The following MCF2L2 variants were observed in gnomAD, a reference collection of about 807,000 sequenced individuals.
MCF2L2 encodes probable guanine nucleotide exchange factor MCF2L2.
In MCF2L2, 102 loss-of-function variants were observed where a neutral mutation model predicts 150.2. The ratio of observed to expected loss-of-function variants is 0.68; its 90% CI spans 0.58 to 0.80. The LOEUF (loss-of-function observed/expected upper bound fraction) is 0.80, where lower values mean the gene tolerates loss of function less well. Ranked by LOEUF, MCF2L2 falls within the 30% of genes least tolerant of loss-of-function variation. MCF2L2 has a pLI of 0.00. For synonymous variants in MCF2L2, 465 were observed against 491.3 expected (o/e 0.95, Z 0.71); for missense variants, 1,256 against 1,372.8 (o/e 0.91, Z 1.34).
intron 26 of MCF2L2, among the ~76,000 whole-genome samples, chr3:183,194,527 A>T (rs1212708803): frequency 6.6e-6 from 1 of 152,272 alleles, no homozygotes; most frequent in African/African-American, 2.4e-5. Flanking sequence ...GCGTTTGCCC[A>T]CTCAGTAAAG....
At chr3:183,268,647 T>C (rs1364076377) in intron 15 of MCF2L2, among the ~76,000 whole-genome samples, 2 of 152,206 alleles carry the variant, frequency 1.3e-5, no homozygotes, top group Admixed American at 1.3e-4. Context: ...CCTAGTGTGC[T>C]AGGTAATCAT....
chr3:183,180,254 C>T (rs996281822), intron 27 of MCF2L2, 95 bp from the exon 28 acceptor site: 27 of 780,008 alleles, frequency 3.5e-5, no homozygotes, highest in Non-Finnish European at 4.8e-5. Context: ...CTGTTGCAGG[C>T]ACGGTCCTCC....
chr3:183,278,915 G>A (rs1028457925), intron 14 of MCF2L2, among the ~76,000 whole-genome samples: 1 of 152,222 alleles, frequency 6.6e-6, no homozygotes, highest in Non-Finnish European at 1.5e-5. Flanking sequence ...TTGGCACGTT[G>A]CTCTGCTGAC....
At chr3:183,386,550 T>C (rs902741828) in intron 2 of MCF2L2, among the ~76,000 whole-genome samples, 24 of 152,228 alleles carry the variant, frequency 1.6e-4, no homozygotes, top group African/African-American at 5.5e-4. Context: ...AAAGGCTCTA[T>C]CCTCTCCTTC....
intron 22 of MCF2L2, among the ~76,000 whole-genome samples, chr3:183,213,657 T>A (rs75677427): frequency 0.017 from 2,613 of 152,170 alleles, 72 homozygotes; most frequent in African/African-American, 0.06. Context: ...TTAGAGGCAG[T>A]TGTCAGTCAA....
At chr3:183,285,711 T>C (rs1043638999) in intron 14 of MCF2L2, among the ~76,000 whole-genome samples, 9 of 152,234 alleles carry the variant, frequency 5.9e-5, no homozygotes, top group Non-Finnish European at 1.2e-4. Flanking sequence ...AAAAGGCTTT[T>C]GTTACTTTAT....
rs1560035050 is a variant in MCF2L2, at chr3:183,351,232, A to ATT, written c.276-9603_276-9602insAA. Among the ~76,000 whole-genome samples, 197 of 82,714 alleles carry ATT rather than the reference A, an allele frequency of 2.4e-3. 1 individual carries two copies. Among genetic ancestry groups the ATT allele is most frequent in the Non-Finnish European group, 2.5e-3 (118 of 47,006 alleles). 54.3% of individuals were successfully genotyped at this position (82,714 alleles called of 152,430 possible). A position where few individuals can be genotyped will look rare whatever the true frequency, so the allele number is the denominator to read the frequency against. On this transcript the variant is annotated intron_variant, in intron 3 of 29. Coordinates refer to ENST00000328913, the MANE Select transcript of MCF2L2 (RefSeq NM_015078.4). ...TATATATATATATATATATATATAT[A>ATT]TATATTTATTTATTTATTTATCAGA...
chr3:183,201,801 C>G (rs1301464619), intron 25 of MCF2L2, among the ~76,000 whole-genome samples: 1 of 152,150 alleles, frequency 6.6e-6, no homozygotes, highest in Non-Finnish European at 1.5e-5. Context: ...TACGTCCCAT[C>G]AATACCTAGT....
intron 20 of MCF2L2, among the ~76,000 whole-genome samples, chr3:183,221,115 A>G (rs1324442054): frequency 1.3e-5 from 2 of 152,208 alleles, no homozygotes; most frequent in African/African-American, 2.4e-5. Flanking sequence ...ATAGGATTAC[A>G]AGGTCGTTCC....
At chr3:183,336,189 T>C (rs1004545121) in intron 5 of MCF2L2, among the ~76,000 whole-genome samples, 3 of 136,110 alleles carry the variant, frequency 2.2e-5, no homozygotes, top group African/African-American at 1.0e-4. Context: ...TTATTCTAAG[T>C]AAACATAAAT....
At chr3:183,334,690 G>A (rs1211618470) in intron 5 of MCF2L2, among the ~76,000 whole-genome samples, 1 of 151,670 alleles carries the variant, frequency 6.6e-6, no homozygotes, top group East Asian at 1.9e-4. Context: ...CTACTCGGGA[G>A]GCTGAGGCAG....
intron 5 of MCF2L2, among the ~76,000 whole-genome samples, chr3:183,334,508 C>T (rs1224989092): frequency 6.6e-6 from 1 of 151,968 alleles, no homozygotes. Flanking sequence ...AAAGAAAGGG[C>T]CGGGCATGGT....
chr3:183,320,953 T>C (rs1729784319), intron 6 of MCF2L2, among the ~76,000 whole-genome samples: 1 of 152,200 alleles, frequency 6.6e-6, no homozygotes, highest in South Asian at 2.1e-4. Flanking sequence ...AATTTCAATA[T>C]TGTTCTGTCT....
intron 1 of MCF2L2, among the ~76,000 whole-genome samples, chr3:183,424,274 T>C (rs957854445): frequency 1.3e-5 from 2 of 152,202 alleles, no homozygotes; most frequent in Non-Finnish European, 1.5e-5. Context: ...GCATATTTTA[T>C]AAGAGTTCCT....
intron 10 of MCF2L2, among the ~76,000 whole-genome samples, chr3:183,302,072 A>G (rs1008380440): frequency 1.3e-5 from 2 of 152,146 alleles, no homozygotes; most frequent in African/African-American, 4.8e-5. Context: ...CTGGGCATTG[A>G]GTCTCTAATG....
At chr3:183,195,949 T>A (rs922162707) in intron 25 of MCF2L2, among the ~76,000 whole-genome samples, 3 of 152,310 alleles carry the variant, frequency 2.0e-5, no homozygotes, top group Middle Eastern at 3.4e-3. Context: ...GTGGCCTTGA[T>A]TTCTGCCGGG....
At chr3:183,277,977 GAGTTCAAGACCAGC>G (rs1727256305) in intron 14 of MCF2L2, among the ~76,000 whole-genome samples, 1 of 148,148 alleles carries the variant, frequency 6.8e-6, no homozygotes, top group East Asian at 2.1e-4. Flanking sequence ...TTGAGGTCAG[GAGTTCAAGACCAGC>G]CTAGCCAACA....
intron 21 of MCF2L2, among the ~76,000 whole-genome samples, chr3:183,216,497 TTA>T (rs1282448957): frequency 5.9e-5 from 8 of 135,000 alleles, no homozygotes; most frequent in Non-Finnish European, 1.1e-4. Flanking sequence ...TATATATTAA[TTA>T]TATATATTAA....
chr3:183,260,433 G>T (rs546209416), intron 15 of MCF2L2, among the ~76,000 whole-genome samples: 12 of 152,160 alleles, frequency 7.9e-5, no homozygotes, highest in Non-Finnish European at 1.6e-4. Flanking sequence ...GCAAGAATGA[G>T]CACAGAGGGC....
Sources: allele counts gnomAD v4.1 joint callset (sites outside exome capture counted in the v4.1 genomes callset), GRCh38; gene constraint gnomAD v4.1.1; transcripts MANE v1.5; gene names NCBI Gene and HGNC (gene_info 2026-07-23, HGNC 2026-07-21).